Variants in NPAS3 observed in about 807,000 individuals in gnomAD.
The protein encoded by NPAS3 is neuronal PAS domain protein 3.
NPAS3 carries 14 observed loss-of-function variants against 73.1 expected under a neutral mutation model. The ratio of observed to expected loss-of-function variants is 0.19; its 90% CI spans 0.13 to 0.30. The LOEUF is 0.30. Ranked by LOEUF, NPAS3 falls within the 10% of genes least tolerant of loss-of-function variation. The probability of loss-of-function intolerance (pLI) is 1.00; values close to 1 mark genes in which losing one functional copy is unlikely to be tolerated. For missense variants in NPAS3, 1,096 were observed against 1,250.0 expected (o/e 0.88, Z 1.86); for synonymous variants, 620 against 541.5 (o/e 1.14, Z -2.01).
rs116819361 is a variant in NPAS3, at chr14:33,494,486, A to G, written c.469-65635A>G. On this transcript the variant is annotated intron_variant, in intron 4 of 11. Coordinates refer to ENST00000356141, the Ensembl canonical transcript of NPAS3. ...TCTTAGATCTTGTGTTTGGAACCTC[A>G]GTGTCTCAAAACAAGTTGCTTCCCA... 6.4e-3 allele frequency among the ~76,000 whole-genome samples: 974 copies of G among 152,212 alleles called. 11 individuals carry two copies. Among genetic ancestry groups the G allele is most frequent in the African/African-American group, 0.022 (926 of 41,552 alleles).
At chr14:33,451,611 T>C (rs915018246) in intron 4 of NPAS3, among the ~76,000 whole-genome samples, 1 of 152,242 alleles carries the variant, frequency 6.6e-6, no homozygotes, top group Non-Finnish European at 1.5e-5. Context: ...ATAACAAATA[T>C]TAAAAATGTA....
chr14:33,684,902 G>A (rs1249352004), intron 6 of NPAS3, among the ~76,000 whole-genome samples: 3 of 152,196 alleles, frequency 2.0e-5, no homozygotes, highest in Admixed American at 6.5e-5. Flanking sequence ...GGAGGTGGAC[G>A]TGTCCCACTG....
At chr14:33,551,453 G>A (rs2055110470) in intron 4 of NPAS3, among the ~76,000 whole-genome samples, 1 of 152,190 alleles carries the variant, frequency 6.6e-6, no homozygotes, top group African/African-American at 2.4e-5. Context: ...GAAGCACTGT[G>A]GGTTTCCCTG....
intron 3 of NPAS3, among the ~76,000 whole-genome samples, chr14:33,272,421 A>ATT (rs1485875026): frequency 6.6e-6 from 1 of 151,950 alleles, no homozygotes; most frequent in Admixed American, 6.6e-5. Context: ...GCTTCATTTA[A>ATT]TTTTTTTTGT....
chr14:33,056,338 G>A (rs918152511), intron 2 of NPAS3, among the ~76,000 whole-genome samples: 16 of 152,084 alleles, frequency 1.1e-4, no homozygotes, highest in African/African-American at 3.4e-4. Context: ...CAGGTGCTAC[G>A]CATCTTAGGG....
At position 33,601,692 on chromosome 14, in the gene NPAS3, G is replaced by A. The variant is rs192375389; in HGVS notation, c.558+41482G>A. Reference sequence around the variant, plus strand: ...TCTCTGGGACTAGCTGAATGTGCGTGCTCAAATACTACAACTATTTCTGGA... The same window carrying A: ...TCTCTGGGACTAGCTGAATGTGCGTACTCAAATACTACAACTATTTCTGGA... On this transcript the variant is annotated intron_variant, in intron 5 of 11. Transcript: ENST00000356141. 5.5e-4 allele frequency among the ~76,000 whole-genome samples: 84 copies of A among 152,260 alleles called. 1 individual carries two copies. The Middle Eastern group carries it at 0.024, about 43-fold the overall frequency.
chr14:33,729,665 G>A (rs567301588), intron 6 of NPAS3, among the ~76,000 whole-genome samples: 10 of 152,200 alleles, frequency 6.6e-5, no homozygotes, highest in Non-Finnish European at 1.0e-4. Flanking sequence ...CCTAAGTGTC[G>A]TCCCAACGTG....
chr14:33,311,598 A>T (rs2043005156), intron 3 of NPAS3, among the ~76,000 whole-genome samples: 1 of 152,174 alleles, frequency 6.6e-6, no homozygotes, highest in South Asian at 2.1e-4. Context: ...GAATGTCAGA[A>T]TATGGATTGC....
At position 33,130,973 on chromosome 14, in the gene NPAS3, G is replaced by A. The variant is rs111318331; in HGVS notation, c.140+74979G>A. 1.3e-4 allele frequency among the ~76,000 whole-genome samples: 20 copies of A among 152,200 alleles called. No homozygotes were observed. In the East Asian group the frequency reaches 2.3e-3, roughly 18 times the overall value. ...GGGACAACGGAAGCCTCAGAGATGG[G>A]TATTTATTCTACTCTTAAAGATATA... On this transcript the variant is annotated intron_variant, in intron 2 of 11. Transcript: ENST00000356141.
rs138056859 is a variant in NPAS3, at chr14:33,579,779, AT to A, written c.558+19577del. Among the ~76,000 whole-genome samples the A allele has an allele frequency of 6.6e-3, 1,011 of 152,032 alleles. 45 individuals carry two copies. In the East Asian group the frequency reaches 0.15, roughly 22 times the overall value. ...CTGTGTAATGAAATATTTTCCTTGA[AT>A]TTTTTTTCAAAGCTGCCAAAGTTGG... is the stretch of plus-strand genomic sequence containing the variant. On this transcript the variant is annotated intron_variant, in intron 5 of 11. Coordinates refer to ENST00000356141, the Ensembl canonical transcript of NPAS3.
Position 33,308,531 on chromosome 14 carries a change from T to TACACACACACACACAC in NPAS3, c.386-58645_386-58630dup, listed in dbSNP as rs550021518. On this transcript the variant is annotated intron_variant, in intron 3 of 11. Transcript: ENST00000356141. ...TAGTTTATATATATATATATATACA[T>TACACACACACACACAC]ACACACACACACACACACACACACA... is the stretch of plus-strand genomic sequence containing the variant. Among the ~76,000 whole-genome samples, 160 of 115,888 alleles carry TACACACACACACACAC rather than the reference T, an allele frequency of 1.4e-3. 1 individual carries two copies. Among genetic ancestry groups the TACACACACACACACAC allele is most frequent in the African/African-American group, 6.2e-3 (153 of 24,708 alleles). 76.0% of individuals were successfully genotyped at this position (115,888 alleles called of 152,430 possible).
At chr14:33,327,766 A>G (rs751691096) in intron 3 of NPAS3, among the ~76,000 whole-genome samples, 1 of 152,216 alleles carries the variant, frequency 6.6e-6, no homozygotes, top group Non-Finnish European at 1.5e-5. Flanking sequence ...TTAAAACACC[A>G]TGCATGTTAA....
intron 3 of NPAS3, among the ~76,000 whole-genome samples, chr14:33,302,773 C>A (rs2042604891): frequency 6.6e-6 from 1 of 152,134 alleles, no homozygotes; most frequent in African/African-American, 2.4e-5. Context: ...TTCAAAATAT[C>A]TGTGGTTAGA....
intron 2 of NPAS3, among the ~76,000 whole-genome samples, chr14:33,100,117 T>C (rs1361086035): frequency 8.5e-5 from 13 of 152,216 alleles, no homozygotes; most frequent in Admixed American, 8.5e-4. Flanking sequence ...AAAGGTCTGA[T>C]GTGGTCAGGG....
chr14:33,540,010 A>G (rs144936599), intron 4 of NPAS3, among the ~76,000 whole-genome samples: 3 of 151,202 alleles, frequency 2.0e-5, no homozygotes, highest in South Asian at 4.4e-4. Context: ...ACCTCTCTTT[A>G]TGGTTGCTTT....
intron 1 of NPAS3, among the ~76,000 whole-genome samples, chr14:33,008,757 T>C (rs948218537): frequency 6.6e-6 from 1 of 152,154 alleles, no homozygotes; most frequent in Admixed American, 6.5e-5. Flanking sequence ...GCGTAGGCCT[T>C]GGATGTACAG....
At position 33,622,298 on chromosome 14, in the gene NPAS3, G is replaced by GA. The variant is rs2058098280; in HGVS notation, c.559-53908dup. Among the ~76,000 whole-genome samples, 6 of 150,898 alleles carry GA rather than the reference G, an allele frequency of 4.0e-5. No homozygotes were observed. In the South Asian group the frequency reaches 1.3e-3, roughly 32 times the overall value. ...AAGCGGATTTCCGTATAGCTAACAG[G>GA]AAAAATAAACCCTAAAAAAAAAAAG... On this transcript the variant is annotated intron_variant, in intron 5 of 11. Transcript: ENST00000356141.
chr14:32,975,896 T>TGTGTGTGTGTGAGA (rs374916231), intron 1 of NPAS3, among the ~76,000 whole-genome samples: 30 of 142,200 alleles, frequency 2.1e-4, no homozygotes, highest in Non-Finnish European at 3.7e-4. Flanking sequence ...TGTGTGTGTG[T>TGTGTGTGTGTGAGA]GAGAGAGAGA....
At chr14:33,468,887 A>G (rs943102337) in intron 4 of NPAS3, among the ~76,000 whole-genome samples, 1 of 152,100 alleles carries the variant, frequency 6.6e-6, no homozygotes, top group African/African-American at 2.4e-5. Context: ...TTCTAGTAAA[A>G]CTTCATTCTT....
Sources: gnomAD v4.1 joint callset for allele counts (sites outside exome capture counted in the v4.1 genomes callset) on GRCh38, gnomAD v4.1.1 for gene constraint, MANE v1.5 for transcripts, NCBI Gene and HGNC (gene_info 2026-07-23, HGNC 2026-07-21) for gene names.